The following RENBP variants were observed in gnomAD, a reference collection of about 807,000 sequenced individuals.
RENBP encodes the protein renin binding protein, also known as N-acylglucosamine 2-epimerase.
A neutral mutation model predicts 37.8 loss-of-function variants in RENBP; 16 were observed. The ratio of observed to expected loss-of-function variants is 0.42; its 90% CI spans 0.29 to 0.64. The LOEUF is 0.64. Ranked by LOEUF, RENBP falls within the 30% of genes least tolerant of loss-of-function variation. The pLI is 0.19. For synonymous variants in RENBP, 170 were observed against 154.8 expected (o/e 1.10, Z -0.73); for missense variants, 347 against 379.5 (o/e 0.91, Z 0.71).
chrX:153,941,546 A>G lies in RENBP; in HGVS notation c.877T>C (p.Ser293Pro). 1.7e-6 allele frequency: 2 copies of G among 1,209,952 alleles called. No homozygotes were observed. The highest frequency in any genetic ancestry group is 2.2e-6 in the Non-Finnish European group (2 of 894,406). Reference protein sequence around the residue: ...IDKFLLLPFHSGWDPDHGGLF... With the variant: ...IDKFLLLPFHPGWDPDHGGLF... ...CCTCCGTGGTCAGGGTCCCATCCGG[A>G]GTGGAAGGGCAACAATAGGAACTTG... The change falls in exon 8 of 11, where the codon TCC (serine) becomes CCC (proline). Residue 293 changes from serine to proline, a missense_variant. Physicochemically the swap from Ser to Pro is moderately conservative, Grantham distance 74 (BLOSUM62 -1). This residue lies in a region of RENBP where 244 missense variants were observed against 279.4 expected (regional missense o/e 0.87). Transcript: ENST00000393700.
At chrX:153,941,775 C>T in intron 7 of RENBP, 122 bp from the exon 8 acceptor site, 1 of 736,517 alleles carries the variant, frequency 1.4e-6, no homozygotes, top group Non-Finnish European at 2.0e-6. Flanking sequence ...AGGCTCTGAG[C>T]TCCCTGGCCC....
At chrX:153,940,717 C>T (rs1038146026) in intron 8 of RENBP, among the ~76,000 whole-genome samples, 1 of 112,230 alleles carries the variant, frequency 8.9e-6, no homozygotes, top group African/African-American at 3.2e-5. Context: ...ACAGTGACCT[C>T]TGCTCGTCCT....
At position 153,942,869 on chromosome X, in the gene RENBP, G is replaced by T. The variant is rs1557109802; in HGVS notation, c.673C>A (p.Leu225Met). The T allele has an allele frequency of 4.1e-6, 5 of 1,208,010 alleles. No homozygotes were observed. The highest frequency in any genetic ancestry group is 2.3e-4 in the Middle Eastern group (1 of 4,342). ...GCATCCCCCACCTGCACGTGCTGCA[G>T]AATCCTCCGGGCGCACCAGTCCCCC... is the stretch of plus-strand genomic sequence containing the variant. ...ELGDWCARRI[L>M]QHVQRDGQAV... The change falls in exon 6 of 11, where the codon CTG becomes ATG. Residue 225 changes from leucine to methionine, a missense_variant. Physicochemically the swap from Leu to Met is conservative, Grantham distance 15. Transcript: ENST00000393700.
At position 153,943,613 on chromosome X, in the gene RENBP, A is replaced by G. The variant is rs782015599; in HGVS notation, c.395T>C (p.Phe132Ser). The stretch of plus-strand genomic sequence containing the variant: ...GGCCATGGTGTAGAAACACTCACTG[A>G]AGATGGTTCGCTGCACCTTGACCGG... ...GRPVKVQRTI[F>S]SECFYTMAMN... Residue 132 changes from phenylalanine to serine, a missense_variant, in exon 5 of 11, where the codon TTC (phenylalanine) becomes TCC (serine). Around this residue, in one of 3 missense-constraint regions of RENBP, gnomAD observed 244 missense variants for 279.4 expected, o/e 0.87. Transcript: ENST00000393700. The G allele has an allele frequency of 3.3e-6, 4 of 1,210,192 alleles. No individual in the cohort carries two copies. In the Admixed American group the frequency reaches 8.7e-5, roughly 26 times the overall value.
At chrX:153,939,776 C>T (rs1389502452) in intron 9 of RENBP, among the ~76,000 whole-genome samples, 2 of 109,282 alleles carry the variant, frequency 1.8e-5, no homozygotes, top group African/African-American at 3.4e-5. Context: ...CTGATTGACT[C>T]GGCCCCTGCT....
chrX:153,939,929 G>A (rs782315531), intron 9 of RENBP, among the ~76,000 whole-genome samples, 173 bp downstream of exon 9: 5 of 109,297 alleles, frequency 4.6e-5, no homozygotes, highest in East Asian at 2.9e-4. Flanking sequence ...ACCAAAATTC[G>A]AGCTCTAGGA....
At chrX:153,941,848 C>T in intron 7 of RENBP, 102 bp downstream of exon 7, 1 of 842,141 alleles carries the variant, frequency 1.2e-6, no homozygotes, top group Non-Finnish European at 1.8e-6. Context: ...TCCTCTGCCT[C>T]CTCAAGGCGC....
intron 4 of RENBP, 46 bp from the exon 5 acceptor site, chrX:153,943,764 C>G: frequency 8.4e-7 from 1 of 1,187,990 alleles, no homozygotes. Flanking sequence ...CCAGGACGCC[C>G]CGCACACACC....
chrX:153,942,022 G>C lies in RENBP; in HGVS notation c.697C>G (p.Gln233Glu), dbSNP rs2065229198. The change falls in exon 7 of 11, where the codon CAA becomes GAA. Residue 233 changes from glutamine to glutamate, a missense_variant. Transcript: ENST00000393700. ...RILQHVQRDG[Q>E]AVLENVSEGG... ...TCTGACACATTCTCCAGCACAGCTT[G>C]TCCATCCCTCTACCGGGAAGGAGCA... 2 of 1,193,470 alleles carry C rather than the reference G, an allele frequency of 1.7e-6. No homozygotes were observed. The highest frequency in any genetic ancestry group is 2.3e-6 in the Non-Finnish European group (2 of 884,820).
Position 153,944,136 on chromosome X carries a change from C to T in RENBP, c.157G>A (p.Gly53Ser). Reference protein sequence around the residue: ...QEHGGFFTCLGREGRVYDDLK... With the variant: ...QEHGGFFTCLSREGRVYDDLK... ...TCATCATACACCCGCCCCTCGCGGC[C>T]AAGGCACGTGAAGAAGCCCCTGTGG... Residue 53 changes from glycine (G) to serine (S), a missense_variant, in exon 3 of 11, where the codon GGC becomes AGC. Transcript: ENST00000393700. 1 of 1,211,064 alleles carries T rather than the reference C, an allele frequency of 8.3e-7. No homozygotes were observed. Among genetic ancestry groups the T allele is most frequent in the Non-Finnish European group, 1.1e-6 (1 of 895,165 alleles).
At chrX:153,941,841 T>C in intron 7 of RENBP, 109 bp downstream of exon 7, 1 of 814,973 alleles carries the variant, frequency 1.2e-6, no homozygotes, top group East Asian at 3.1e-5. Context: ...TCCTCGCTCC[T>C]CTGCCTCCTC....
chrX:153,938,296 A>T (rs1557108891), intron 9 of RENBP, among the ~76,000 whole-genome samples: 2 of 112,318 alleles, frequency 1.8e-5, no homozygotes, highest in African/African-American at 6.5e-5. Context: ...AAAGCCAGGC[A>T]CTTCTATTAC....
chrX:153,943,137 C>A, intron 5 of RENBP, 58 bp from the exon 6 acceptor site: 1 of 895,903 alleles, frequency 1.1e-6, no homozygotes, highest in South Asian at 2.5e-5. Flanking sequence ...GTGCCATCCC[C>A]CTGGACACGG....
intron 6 of RENBP, chrX:153,942,425 C>T (rs782344261): frequency 1.4e-4 from 26 of 181,738 alleles, no homozygotes; most frequent in East Asian, 1.3e-3. Context: ...TTAGTAGAGA[C>T]GGGGTTTCAC....
In RENBP at chrX:153,935,373, C is replaced by T. The variant is rs1219823499; in HGVS notation, c.1197G>A (p.Met399Ile). The change falls in exon 11 of 11, where the codon ATG becomes ATA. Residue 399 changes from methionine (M) to isoleucine (I), a missense_variant. By Grantham distance (10) the Met-to-Ile change is conservative (BLOSUM62 1). Coordinates refer to ENST00000393700, the MANE Select transcript of RENBP (RefSeq NM_002910.6). ...GCAGGGCGCCCAGCATCTCCTCGCA[C>T]ATGGCTAGGCACCGCGGCACGTGGA... ...GCFHVPRCLA[M>I]CEEMLGALLS... 10 of 1,129,192 alleles carry T rather than the reference C, an allele frequency of 8.9e-6. No individual in the cohort carries two copies. The highest frequency in any genetic ancestry group is 1.8e-5 in the African/African-American group (1 of 54,225). The allele number at this position is 1,129,192 out of a possible 1,213,427, so 93.1% of individuals were successfully genotyped here. A position where few individuals can be genotyped will look rare whatever the true frequency, so the allele number is the denominator to read the frequency against.
intron 4 of RENBP, 69 bp downstream of exon 4, chrX:153,943,826 C>A: frequency 8.5e-7 from 1 of 1,171,383 alleles, no homozygotes; most frequent in African/African-American, 1.8e-5. Context: ...TCTAGGAACT[C>A]CGCACATGTG....
At chrX:153,940,795 G>T (rs1240009618) in intron 8 of RENBP, among the ~76,000 whole-genome samples, 2 of 111,742 alleles carry the variant, frequency 1.8e-5, no homozygotes, top group Non-Finnish European at 3.8e-5. Context: ...AAAAAGGGGA[G>T]GCATGAATAA....
rs180831215 is a variant in RENBP, at chrX:153,943,975, G to C, written c.214-5C>G. The C allele has an allele frequency of 8.3e-7, 1 of 1,204,137 alleles. No individual in the cohort carries two copies. Among genetic ancestry groups the C allele is most frequent in the Non-Finnish European group, 1.1e-6 (1 of 891,219 alleles). On this transcript the variant is annotated splice_region_variant and splice_polypyrimidine_tract_variant and intron_variant, in intron 3 of 10. Transcript: ENST00000393700. Reference sequence around the variant, plus strand: ...CAGGCGACAATACATCCATACCTGCGGGGTACGGGAGGGAAAGTGGCTTAA... The same window carrying C: ...CAGGCGACAATACATCCATACCTGCCGGGTACGGGAGGGAAAGTGGCTTAA...
rs1557110102 is a variant in RENBP, at chrX:153,943,986, G to A, written c.214-16C>T. ...ACATCCATACCTGCGGGGTACGGGA[G>A]GGAAAGTGGCTTAAGTGGCCGGCTG... On this transcript the variant is annotated splice_polypyrimidine_tract_variant and intron_variant, in intron 3 of 10. Coordinates refer to ENST00000393700, the MANE Select transcript of RENBP (RefSeq NM_002910.6). 2.5e-6 allele frequency: 3 copies of A among 1,206,847 alleles called. No homozygotes were observed. Among genetic ancestry groups the A allele is most frequent in the Non-Finnish European group, 3.4e-6 (3 of 892,588 alleles).
Sources: allele counts gnomAD v4.1 joint callset (sites outside exome capture counted in the v4.1 genomes callset), GRCh38; gene constraint gnomAD v4.1.1; regional missense constraint gnomAD v4.1.1; transcripts MANE v1.5; gene names NCBI Gene and HGNC (gene_info 2026-07-23, HGNC 2026-07-21).